The following ZNF639 variants were observed in gnomAD, a reference collection of about 807,000 sequenced individuals.
ZNF639 encodes the protein zinc finger protein 639, also known as zinc finger amplified in esophageal squamous cell carcinomas 1.
Under a neutral mutation model 39.8 loss-of-function variants are expected in ZNF639, and 20 were observed. The observed-to-expected ratio is 0.50, with a 90% CI of 0.35 to 0.73. The LOEUF (loss-of-function observed/expected upper bound fraction) is 0.73, where lower values mean the gene tolerates loss of function less well. Ranked by LOEUF, ZNF639 falls within the 30% of genes least tolerant of loss-of-function variation. The pLI is 0.00. For missense variants in ZNF639, 477 were observed against 566.2 expected, an observed-to-expected ratio of 0.84 and a Z score of 1.60; for synonymous variants, 176 against 189.8, an observed-to-expected ratio of 0.93 and a Z score of 0.60.
rs1388719914 is a variant in ZNF639 at position 179,336,817 on chromosome 3, C to G, written c.*2395C>G. On this transcript the variant is annotated 3_prime_UTR_variant, in exon 6 of 6. Coordinates refer to ENST00000496856, the MANE Select transcript of ZNF639 (RefSeq NM_001303426.2). ...GTGACTACTTCACCTAACAATTAACCTAGTTGTTGATAATTTTGTTTTTAT... is the reference window on the plus strand; with the variant it reads ...GTGACTACTTCACCTAACAATTAACGTAGTTGTTGATAATTTTGTTTTTAT... 6.6e-6 allele frequency: 1 copy of G among 152,170 alleles called. No homozygotes were observed. Among genetic ancestry groups the G allele is most frequent in the Non-Finnish European group, 1.5e-5 (1 of 68,050 alleles). The allele number at this position is 152,170 out of a possible 1,614,324, so 9.4% of individuals were successfully genotyped here.
chr3:179,336,547 G>A lies in ZNF639; in HGVS notation c.*2125G>A, dbSNP rs1711532598. The A allele has an allele frequency of 6.6e-6, 1 of 152,212 alleles. No individual in the cohort carries two copies. The highest frequency in any genetic ancestry group is 2.1e-4 in the South Asian group (1 of 4,828). The allele number at this position is 152,212 out of a possible 1,614,324, so 9.4% of individuals were successfully genotyped here. A position where few individuals can be genotyped will look rare whatever the true frequency, so the allele number is the denominator to read the frequency against. On this transcript the variant is annotated 3_prime_UTR_variant, in exon 6 of 6. Transcript: ENST00000496856. Reference sequence around the variant, plus strand: ...ATTCCTGTTACGGCTGATAACAAATGTTTCTCAGAAGACTTAAAATTGTAA... The same window carrying A: ...ATTCCTGTTACGGCTGATAACAAATATTTCTCAGAAGACTTAAAATTGTAA...
Position 179,337,416 on chromosome 3 carries a change from A to C in ZNF639, c.*2994A>C, listed in dbSNP as rs1012828851. 4.0e-5 allele frequency: 6 copies of C among 151,270 alleles called. No individual in the cohort carries two copies. Among genetic ancestry groups the C allele is most frequent in the Non-Finnish European group, 8.8e-5 (6 of 67,904 alleles). 9.4% of individuals were successfully genotyped at this position (151,270 alleles called of 1,614,324 possible). On this transcript the variant is annotated 3_prime_UTR_variant, in exon 6 of 6. Coordinates refer to ENST00000496856, the MANE Select transcript of ZNF639 (RefSeq NM_001303426.2). Reference sequence around the variant, plus strand: ...TAGTGGCGTGATCTTGGCTCAAGGCAACCTCCACCTCTCAGGTGTAAGCAA... The same window carrying C: ...TAGTGGCGTGATCTTGGCTCAAGGCCACCTCCACCTCTCAGGTGTAAGCAA...
chr3:179,329,901 T>G, intron 4 of ZNF639, 173 bp downstream of exon 4: 1 of 364,010 alleles, frequency 2.7e-6, no homozygotes. Context: ...CAAGTAATTT[T>G]AACTATTCTT....
rs35129479 is a variant in ZNF639 at position 179,328,774 on chromosome 3, A to ATT, written c.58+441_58+442dup. On this transcript the variant is annotated intron_variant, in intron 3 of 5. Transcript: ENST00000496856. ...TGTAAACTTTCATGCTGAATGTGTA[A>ATT]TTTTTTTTTTTTTTTTTTTGAGACA... 7.1e-3 allele frequency among the ~76,000 whole-genome samples: 962 copies of ATT among 135,478 alleles called. 12 individuals are homozygous for ATT. Among genetic ancestry groups the ATT allele is most frequent in the Middle Eastern group, 0.012 (3 of 254 alleles). The allele number at this position is 135,478 out of a possible 152,430, so 88.9% of individuals were successfully genotyped here.
chr3:179,329,904 C>A, intron 4 of ZNF639, 176 bp downstream of exon 4: 10 of 310,682 alleles, frequency 3.2e-5, no homozygotes, highest in Non-Finnish European at 4.1e-5. Context: ...GTAATTTTAA[C>A]TATTCTTTTT....
chr3:179,325,448 A>G (rs1219357340), intron 1 of ZNF639: 1 of 152,214 alleles, frequency 6.6e-6, no homozygotes, highest in Non-Finnish European at 1.5e-5. Flanking sequence ...ATGCATTTTC[A>G]TCTCTGGTTC....
intron 5 of ZNF639, 45 bp from the exon 6 acceptor site, chr3:179,333,224 T>A (rs1376128994): frequency 6.4e-7 from 1 of 1,560,352 alleles, no homozygotes; most frequent in Non-Finnish European, 8.6e-7. Context: ...ATTTAACAGA[T>A]CTTATTTAGT....
In ZNF639 at chr3:179,329,612, G is replaced by A; in HGVS notation, c.59-6G>A. 6.5e-7 allele frequency: 1 copy of A among 1,546,848 alleles called. No individual in the cohort carries two copies. The highest frequency in any genetic ancestry group is 1.2e-5 in the South Asian group (1 of 86,246). On this transcript the variant is annotated splice_region_variant and splice_polypyrimidine_tract_variant and intron_variant, in intron 3 of 5. Transcript: ENST00000496856. Reference sequence around the variant, plus strand: ...GTACTTGAAATATTTTTCATTTTATGTTCAGATTCCTCTGGAATAAGCAGA... The same window carrying A: ...GTACTTGAAATATTTTTCATTTTATATTCAGATTCCTCTGGAATAAGCAGA...
chr3:179,329,939 G>C, intron 4 of ZNF639: 1 of 265,418 alleles, frequency 3.8e-6, no homozygotes, highest in Non-Finnish European at 7.0e-6. Context: ...TTGAGATGGA[G>C]TCTCGCTTTG....
Position 179,332,949 on chromosome 3 carries a change from T to A in ZNF639, c.170-40T>A. On this transcript the variant is annotated intron_variant, in intron 4 of 5. Coordinates refer to ENST00000496856, the MANE Select transcript of ZNF639 (RefSeq NM_001303426.2). ...TTTGTTCTATAATTAATGCTTTGAT[T>A]GTATAAATAATAAGTATTCTTCCAA... 6 of 1,506,712 alleles carry A rather than the reference T, an allele frequency of 4.0e-6. No individual in the cohort carries two copies. In the South Asian group the frequency reaches 7.9e-5, roughly 20 times the overall value. The allele number at this position is 1,506,712 out of a possible 1,614,324, so 93.3% of individuals were successfully genotyped here.
At chr3:179,326,302 A>G (rs564485452) in intron 1 of ZNF639, among the ~76,000 whole-genome samples, 1 of 152,244 alleles carries the variant, frequency 6.6e-6, no homozygotes, top group Admixed American at 6.5e-5. Flanking sequence ...CAGAGGTTGC[A>G]ATGAGCCAAG....
At chr3:179,330,752 G>T (rs1312381383) in intron 4 of ZNF639, among the ~76,000 whole-genome samples, 1 of 152,204 alleles carries the variant, frequency 6.6e-6, no homozygotes, top group Admixed American at 6.5e-5. Context: ...TTCAATGTTG[G>T]ATCTTCTATT....
At chr3:179,323,398 C>G (rs1245554924) in intron 1 of ZNF639, 107 bp downstream of exon 1, 1 of 985,042 alleles carries the variant, frequency 1.0e-6, no homozygotes, top group African/African-American at 1.7e-5. Context: ...CCGGAGCTCC[C>G]TTTATACGGA....
intron 4 of ZNF639, among the ~76,000 whole-genome samples, chr3:179,330,258 C>T (rs550588683): frequency 6.6e-6 from 1 of 151,884 alleles, no homozygotes; most frequent in Non-Finnish European, 1.5e-5. Context: ...TAAAAAAGTG[C>T]ACTCTCCTAA....
In ZNF639 at chr3:179,334,931, GT is replaced by G. The variant is rs1334672421; in HGVS notation, c.*516del. The G allele has an allele frequency of 1.3e-5, 2 of 151,832 alleles. No homozygotes were observed. The highest frequency in any genetic ancestry group is 4.1e-4 in the South Asian group (2 of 4,830). 9.4% of individuals were successfully genotyped at this position (151,832 alleles called of 1,614,324 possible). On this transcript the variant is annotated 3_prime_UTR_variant, in exon 6 of 6. Coordinates refer to ENST00000496856, the MANE Select transcript of ZNF639 (RefSeq NM_001303426.2). ...AAAGATTTGGTTTTCATGGCAGTCT[GT>G]TTTTTTAAAAAAAAATTTTTGAGCC...
intron 5 of ZNF639, 36 bp downstream of exon 5, chr3:179,333,159 G>A: frequency 1.9e-6 from 3 of 1,569,810 alleles, no homozygotes; most frequent in Non-Finnish European, 2.6e-6. Flanking sequence ...GATATATTTT[G>A]TATTGGTGAA....
chr3:179,333,408 T>C lies in ZNF639; in HGVS notation c.444T>C (p.Ser148=), dbSNP rs1728031206. 6 of 1,614,128 alleles carry C rather than the reference T, an allele frequency of 3.7e-6. No homozygotes were observed. Among genetic ancestry groups the C allele is most frequent in the Non-Finnish European group, 5.1e-6 (6 of 1,180,018 alleles). Residue 148 remains serine, a synonymous_variant, in exon 6 of 6, where the codon TCT becomes TCC. Transcript: ENST00000496856. Reference sequence around the variant, plus strand: ...TTGCTGTAGAAGTGCATGCGATTTCTGAGGATTATGATATAGAGACAGAAA... The same window carrying C: ...TTGCTGTAGAAGTGCATGCGATTTCCGAGGATTATGATATAGAGACAGAAA... ...VPIAVEVHAI[S]EDYDIETENN...
At chr3:179,330,604 G>A (rs1319952261) in intron 4 of ZNF639, among the ~76,000 whole-genome samples, 1 of 152,188 alleles carries the variant, frequency 6.6e-6, no homozygotes, top group East Asian at 1.9e-4. Flanking sequence ...ACTTTAGTTG[G>A]TTAGGAATTG....
rs765612630 is a variant in ZNF639, at chr3:179,334,261, T to A, written c.1297T>A (p.Cys433Ser). 3.7e-6 allele frequency: 6 copies of A among 1,612,594 alleles called. No homozygotes were observed. The African/African-American group carries it at 8.0e-5, about 22-fold the overall frequency. ...ACATTTATCTGAAGGGATTTATTTA[T>A]GTCAATATTGTGAATATTCAACAGG... Reference protein sequence around the residue: ...NSHLSEGIYLCQYCEYSTGQI... With the variant: ...NSHLSEGIYLSQYCEYSTGQI... Residue 433 changes from cysteine to serine, a missense_variant, in exon 6 of 6, where the codon TGT becomes AGT. Physicochemically the swap from Cys to Ser is moderately radical, Grantham distance 112. Coordinates refer to ENST00000496856, the MANE Select transcript of ZNF639 (RefSeq NM_001303426.2).
Sources: gnomAD v4.1 joint callset for allele counts (sites outside exome capture counted in the v4.1 genomes callset) on GRCh38, gnomAD v4.1.1 for gene constraint, MANE v1.5 for transcripts, NCBI Gene and HGNC (gene_info 2026-07-23, HGNC 2026-07-21) for gene names.